The following CR1L variants were observed in gnomAD, a reference collection of about 807,000 sequenced individuals.
CR1L encodes the protein complement C3b/C4b receptor 1 like, also known as complement component receptor 1-like protein.
In CR1L, 59 loss-of-function variants were observed where a neutral mutation model predicts 62.3. That is an observed-to-expected ratio of 0.95 (90% CI 0.77 to 1.18). CR1L has a LOEUF of 1.18. CR1L is among the 50% of genes most tolerant of loss of function. The probability of loss-of-function intolerance (pLI) is 0.00; values close to 1 mark genes in which losing one functional copy is unlikely to be tolerated. For missense variants in CR1L, 700 were observed against 702.8 expected (o/e 1.00, Z 0.04); for synonymous variants, 279 against 248.7 (o/e 1.12, Z -1.15).
rs1168452980 is a variant in CR1L, at chr1:207,708,181, C to T, written c.1332C>T (p.His444=). 3 of 1,611,294 alleles carry T rather than the reference C, an allele frequency of 1.9e-6. No homozygotes were observed. Among genetic ancestry groups the T allele is most frequent in the East Asian group, 2.2e-5 (1 of 44,872 alleles). Residue 444 remains histidine, a synonymous_variant, in exon 10 of 12, where the codon CAC becomes CAT. Coordinates refer to ENST00000508064, the MANE Select transcript of CR1L (RefSeq NM_175710.2). ...SRINYSCTTG[H]RLIGHSSAEC... is the part of the protein sequence containing the mutation. ...ATTTTCCATTTTTTGCCTTTAGGCA[C>T]CGACTCATTGGTCACTCATCTGCTG...
intron 10 of CR1L, among the ~76,000 whole-genome samples, chr1:207,714,241 A>C (rs1440394605): frequency 6.6e-6 from 1 of 152,192 alleles, no homozygotes; most frequent in Non-Finnish European, 1.5e-5. Flanking sequence ...CAGAATTGGA[A>C]GTGTGTGTTA....
intron 3 of CR1L, among the ~76,000 whole-genome samples, chr1:207,682,996 C>CTTTT (rs1392344938): frequency 2.3e-5 from 3 of 133,106 alleles, no homozygotes; most frequent in African/African-American, 5.6e-5. Flanking sequence ...TTCTTTTTTT[C>CTTTT]TTTCTTTCTT....
rs1375592337 is a variant in CR1L, at chr1:207,710,827, C to T, written c.1414+2564C>T. 8.2e-6 allele frequency: 12 copies of T among 1,471,638 alleles called. No homozygotes were observed. In the Admixed American group the frequency reaches 1.3e-4, roughly 16 times the overall value. The allele number at this position is 1,471,638 out of a possible 1,614,324, so 91.2% of individuals were successfully genotyped here. A position where few individuals can be genotyped will look rare whatever the true frequency, so the allele number is the denominator to read the frequency against. On this transcript the variant is annotated intron_variant, in intron 10 of 11. Transcript: ENST00000508064. ...CTAGAAGGGCCCTGCAAGTGACATG[C>T]ATTGCTGTTGGATCAGGAGATGAGT...
At chr1:207,656,106 TAGC>T (rs760607426) in intron 1 of CR1L, among the ~76,000 whole-genome samples, 1 of 152,062 alleles carries the variant, frequency 6.6e-6, no homozygotes, top group Non-Finnish European at 1.5e-5. Flanking sequence ...GGCGTGGTGG[TAGC>T]AGCCTGTAGT....
intron 10 of CR1L, chr1:207,710,697 C>T: frequency 6.2e-7 from 1 of 1,610,126 alleles, no homozygotes; most frequent in Non-Finnish European, 8.5e-7. Flanking sequence ...AGGTGTCAGC[C>T]TGGCTTTGTC....
At position 207,713,268 on chromosome 1, in the gene CR1L, T is replaced by C. The variant is rs1330600358; in HGVS notation, c.1415-4196T>C. On this transcript the variant is annotated intron_variant, in intron 10 of 11. Coordinates refer to ENST00000508064, the MANE Select transcript of CR1L (RefSeq NM_175710.2). Reference sequence around the variant, plus strand: ...TAAAATGTGTGCTAGAAAAAAAAGATGAATGAGATGGAAATTGTTTGCCTC... The same window carrying C: ...TAAAATGTGTGCTAGAAAAAAAAGACGAATGAGATGGAAATTGTTTGCCTC... Among the ~76,000 whole-genome samples the C allele has an allele frequency of 7.2e-5, 11 of 152,206 alleles. No homozygotes were observed. The South Asian group carries it at 2.3e-3, about 32-fold the overall frequency.
Position 207,677,540 on chromosome 1 carries a change from C to G in CR1L, c.249C>G (p.Val83=). ...PFSIICLKNS[V]WTSAKDKCKR... The stretch of plus-strand genomic sequence containing the variant: ...CTATCATCTGCCTAAAAAACTCAGT[C>G]TGGACAAGTGCTAAGGACAAGTGCA... Residue 83 remains valine (V), a synonymous_variant, in exon 2 of 12, where the codon GTC becomes GTG. Transcript: ENST00000508064. 2.5e-6 allele frequency: 4 copies of G among 1,613,936 alleles called. No homozygotes were observed. The highest frequency in any genetic ancestry group is 3.4e-6 in the Non-Finnish European group (4 of 1,179,860).
chr1:207,704,748 C>A (rs532532370), intron 9 of CR1L, among the ~76,000 whole-genome samples: 1 of 152,238 alleles, frequency 6.6e-6, no homozygotes, highest in African/African-American at 2.4e-5. Context: ...TAAAGTATGA[C>A]CTTTTTTTCA....
intron 1 of CR1L, chr1:207,669,451 G>A: frequency 7.2e-7 from 1 of 1,398,334 alleles, no homozygotes; most frequent in Admixed American, 1.7e-5. Context: ...GAGGATGGGG[G>A]TCTCTTCTCC....
chr1:207,677,479 A>G lies in CR1L; in HGVS notation c.188A>G (p.Tyr63Cys), dbSNP rs764512095. 3 of 1,613,962 alleles carry G rather than the reference A, an allele frequency of 1.9e-6. No individual in the cohort carries two copies. The highest frequency in any genetic ancestry group is 2.5e-6 in the Non-Finnish European group (3 of 1,179,886). Residue 63 changes from tyrosine to cysteine, a missense_variant, in exon 2 of 12, where the codon TAT (tyrosine) becomes TGT (cysteine). Physicochemically the swap from Tyr to Cys is radical, Grantham distance 194. Transcript: ENST00000508064. The stretch of plus-strand genomic sequence containing the variant: ...TTTCCCATTGGGACATATCTGAACT[A>G]TGAATGCCGCCCTGGTTATTCCGGA... ...FEFPIGTYLN[Y>C]ECRPGYSGRP...
chr1:207,675,083 G>A (rs1663670643), intron 1 of CR1L, among the ~76,000 whole-genome samples: 1 of 152,088 alleles, frequency 6.6e-6, no homozygotes, highest in Admixed American at 6.5e-5. Flanking sequence ...ATAACTGAGT[G>A]TTAAGCACAA....
intron 1 of CR1L, among the ~76,000 whole-genome samples, chr1:207,649,782 C>T (rs74680657): frequency 3.3e-5 from 5 of 152,190 alleles, no homozygotes; most frequent in African/African-American, 1.2e-4. Context: ...GGAGAGCCAT[C>T]GAAAGGTATC....
In CR1L at chr1:207,678,815, C is replaced by T. The variant is rs557000976; in HGVS notation, c.377+518C>T. Among the ~76,000 whole-genome samples, 9 of 152,210 alleles carry T rather than the reference C, an allele frequency of 5.9e-5. No individual in the cohort carries two copies. The South Asian group carries it at 1.9e-3, about 32-fold the overall frequency. On this transcript the variant is annotated intron_variant, in intron 3 of 11. Transcript: ENST00000508064. Reference sequence around the variant, plus strand: ...CAGAGCCAGATCCATAGCCATGCTCCCTCCAAAACCTGTAGGGATGGATCC... The same window carrying T: ...CAGAGCCAGATCCATAGCCATGCTCTCTCCAAAACCTGTAGGGATGGATCC...
intron 3 of CR1L, among the ~76,000 whole-genome samples, chr1:207,681,029 A>G (rs1663787128): frequency 1.3e-5 from 2 of 152,162 alleles, no homozygotes; most frequent in African/African-American, 4.8e-5. Flanking sequence ...AATAAACTCT[A>G]TCCTTAAATA....
intron 10 of CR1L, among the ~76,000 whole-genome samples, chr1:207,709,629 G>A (rs911618471): frequency 4.6e-5 from 7 of 152,114 alleles, no homozygotes; most frequent in African/African-American, 1.7e-4. Context: ...TTGAGGTCAG[G>A]AGTTCAAGAC....
intron 1 of CR1L, among the ~76,000 whole-genome samples, chr1:207,659,590 G>A (rs554408919): frequency 1.3e-5 from 2 of 152,282 alleles, no homozygotes; most frequent in South Asian, 2.1e-4. Flanking sequence ...TGAGATCAAC[G>A]TAGAAGACAG....
intron 9 of CR1L, among the ~76,000 whole-genome samples, chr1:207,704,237 A>G (rs1213908542): frequency 6.6e-6 from 1 of 152,236 alleles, no homozygotes; most frequent in Non-Finnish European, 1.5e-5. Flanking sequence ...CAGAAGTAGC[A>G]AGAACACTAC....
chr1:207,653,079 G>A (rs924946507), intron 1 of CR1L: 3 of 212,560 alleles, frequency 1.4e-5, no homozygotes, highest in Admixed American at 5.5e-5. Flanking sequence ...TTTCTTTTAG[G>A]AAAAACATGT....
intron 10 of CR1L, chr1:207,710,291 C>T (rs563572126): frequency 1.3e-6 from 1 of 777,766 alleles, no homozygotes; most frequent in Non-Finnish European, 2.2e-6. Context: ...TGCAGTGAGC[C>T]ATGATCGTGC....
Sources: allele counts gnomAD v4.1 joint callset (sites outside exome capture counted in the v4.1 genomes callset), GRCh38; gene constraint gnomAD v4.1.1; transcripts MANE v1.5; gene names NCBI Gene and HGNC (gene_info 2026-07-23, HGNC 2026-07-21).